Variants in LHX8 observed in about 807,000 individuals in gnomAD.
The protein encoded by LHX8 is LIM/homeobox protein Lhx8.
In LHX8, 12 loss-of-function variants were observed where a neutral mutation model predicts 40.3. That is an observed-to-expected ratio of 0.30 (90% CI 0.19 to 0.48). The LOEUF (loss-of-function observed/expected upper bound fraction) is 0.48. LHX8 is among the 20% of genes least tolerant of loss of function. The pLI is 0.99. For synonymous variants in LHX8, 179 were observed against 162.0 expected (o/e 1.10, Z -0.80); for missense variants, 344 against 433.7 (o/e 0.79, Z 1.84).
intron 6 of LHX8, among the ~76,000 whole-genome samples, chr1:75,147,580 C>T (rs1016927764): frequency 3.3e-5 from 5 of 152,160 alleles, no homozygotes; most frequent in African/African-American, 1.2e-4. Flanking sequence ...GAGTGAAGTC[C>T]AGCAGTGCTT....
chr1:75,145,230 C>T (rs1166099127), intron 6 of LHX8, among the ~76,000 whole-genome samples: 1 of 152,094 alleles, frequency 6.6e-6, no homozygotes, highest in East Asian at 1.9e-4. Context: ...ACACAATGCC[C>T]TGTCAGAAGA....
At chr1:75,195,524 C>T in the LHX8 span, among the ~76,000 whole-genome samples, 1 of 152,130 alleles carries the variant, frequency 6.6e-6, no homozygotes, top group Admixed American at 6.5e-5. Flanking sequence ...GTGTACTCCA[C>T]ACCAAGAAGC....
chr1:75,136,737 C>A (rs1648150648), intron 2 of LHX8, 48 bp downstream of exon 2: 1 of 1,382,902 alleles, frequency 7.2e-7, no homozygotes, highest in Non-Finnish European at 9.7e-7. Context: ...CGTGGGGAGG[C>A]GGCGCAGGAC....
chr1:75,138,343 T>C (rs1648211042), intron 3 of LHX8, among the ~76,000 whole-genome samples: 1 of 152,214 alleles, frequency 6.6e-6, no homozygotes, highest in African/African-American at 2.4e-5. Flanking sequence ...TTAGTGGGTT[T>C]CTTTAAGTTT....
At chr1:75,194,437 G>C in the LHX8 span, among the ~76,000 whole-genome samples, 3 of 152,168 alleles carry the variant, frequency 2.0e-5, no homozygotes, top group African/African-American at 7.2e-5. Context: ...TGTTCTGAAA[G>C]CTTATGGCTC....
At chr1:75,175,393 A>C in the LHX8 span, among the ~76,000 whole-genome samples, 2 of 152,220 alleles carry the variant, frequency 1.3e-5, no homozygotes, top group African/African-American at 4.8e-5. Flanking sequence ...ACTGTTTTCC[A>C]TAGTGGTTAT....
the LHX8 span, among the ~76,000 whole-genome samples, chr1:75,177,117 A>G: frequency 1.6e-4 from 24 of 152,118 alleles, no homozygotes; most frequent in Non-Finnish European, 2.9e-4. Flanking sequence ...TGATGCCTCC[A>G]GCTTTGTTCT....
chr1:75,130,868 G>A (rs2100322387), upstream of LHX8: 1 of 866,410 alleles, frequency 1.2e-6, no homozygotes, highest in African/African-American at 1.6e-5. Context: ...GACATCCACA[G>A]TTTCAGAGTG....
At chr1:75,191,218 A>T in the LHX8 span, among the ~76,000 whole-genome samples, 1 of 151,942 alleles carries the variant, frequency 6.6e-6, no homozygotes, top group Non-Finnish European at 1.5e-5. Flanking sequence ...AGCCAGGCCA[A>T]GAATGAAGAG....
the LHX8 span, among the ~76,000 whole-genome samples, chr1:75,183,481 T>TA: frequency 1.6e-4 from 24 of 148,622 alleles, no homozygotes; most frequent in South Asian, 4.2e-4. Flanking sequence ...ATAATGTTCT[T>TA]AAAAAAAAAA....
At chr1:75,135,800 A>C (rs192109196) in intron 1 of LHX8, among the ~76,000 whole-genome samples, 1 of 152,210 alleles carries the variant, frequency 6.6e-6, no homozygotes. Context: ...ATTCAGCTGG[A>C]TATTTTCCAT....
chr1:75,130,921 A>AACCAGAATTCT, upstream of LHX8: 1 of 672,176 alleles, frequency 1.5e-6, no homozygotes, highest in East Asian at 2.7e-5. Flanking sequence ...AGGAGTCGCC[A>AACCAGAATTCT]ACCAGAATTC....
At chr1:75,155,230 C>CTTTTTTTT (rs57009636) in intron 7 of LHX8, among the ~76,000 whole-genome samples, 6 of 94,374 alleles carry the variant, frequency 6.4e-5, no homozygotes, top group Non-Finnish European at 1.2e-4. Flanking sequence ...GAAACACTCT[C>CTTTTTTTT]TTTTTTTTTT....
At chr1:75,151,160 C>A (rs1648599117) in intron 7 of LHX8, among the ~76,000 whole-genome samples, 1 of 152,156 alleles carries the variant, frequency 6.6e-6, no homozygotes, top group Non-Finnish European at 1.5e-5. Flanking sequence ...CTAAAGGTTT[C>A]ATAATTAACA....
intron 7 of LHX8, 118 bp from the exon 8 acceptor site, chr1:75,156,775 T>C: frequency 1.1e-6 from 1 of 905,642 alleles, no homozygotes; most frequent in Non-Finnish European, 1.9e-6. Context: ...GAGTTACATT[T>C]ATGCGGTGCT....
At chr1:75,130,908 C>A, upstream of LHX8, 2 of 693,186 alleles carry the variant, frequency 2.9e-6, no homozygotes, top group Non-Finnish European at 5.2e-6. Flanking sequence ...CTTCAGGGAT[C>A]GAAGGAGTCG....
intron 6 of LHX8, among the ~76,000 whole-genome samples, chr1:75,144,813 C>T (rs964579170): frequency 2.0e-5 from 3 of 152,032 alleles, no homozygotes; most frequent in Admixed American, 6.6e-5. Context: ...CATCTTAGCT[C>T]AGACTTTAAA....
At chr1:75,166,561 G>A in the LHX8 span, among the ~76,000 whole-genome samples, 1 of 152,180 alleles carries the variant, frequency 6.6e-6, no homozygotes, top group Non-Finnish European at 1.5e-5. Context: ...TCTTTCAGAT[G>A]TATTGGAATA....
At chr1:75,171,762 T>A in the LHX8 span, among the ~76,000 whole-genome samples, 3 of 152,184 alleles carry the variant, frequency 2.0e-5, no homozygotes, top group Non-Finnish European at 4.4e-5. Flanking sequence ...CGATGACTTA[T>A]AAAGTTTCTC....
Sources: allele counts gnomAD v4.1 joint callset (sites outside exome capture counted in the v4.1 genomes callset), GRCh38; gene constraint gnomAD v4.1.1; transcripts MANE v1.5; gene names NCBI Gene and HGNC (gene_info 2026-07-23, HGNC 2026-07-21).